Variants in LRBA observed in about 807,000 individuals in gnomAD.
LRBA encodes the protein LPS responsive beige-like anchor protein, also known as lipopolysaccharide-responsive and beige-like anchor protein.
A neutral mutation model predicts 330.0 loss-of-function variants in LRBA; 176 were observed. The ratio of observed to expected loss-of-function variants is 0.53; its 90% CI spans 0.47 to 0.60. LRBA has a LOEUF of 0.60. LRBA is among the 20% of genes least tolerant of loss of function. The pLI, the probability that LRBA is intolerant of heterozygous loss-of-function variation, is 0.00. For missense variants in LRBA, 3,259 were observed against 3,444.8 expected (o/e 0.95, Z 1.35); for synonymous variants, 1,230 against 1,193.0 (o/e 1.03, Z -0.64).
intron 40 of LRBA, among the ~76,000 whole-genome samples, chr4:150,518,058 C>T (rs1762547935): frequency 6.6e-6 from 1 of 152,202 alleles, no homozygotes; most frequent in African/African-American, 2.4e-5. Flanking sequence ...TCAACATACG[C>T]TATTTCTTCT....
intron 42 of LRBA, among the ~76,000 whole-genome samples, chr4:150,486,644 T>C (rs1212258852): frequency 6.6e-6 from 1 of 151,868 alleles, no homozygotes; most frequent in Non-Finnish European, 1.5e-5. Flanking sequence ...TTACCTCATA[T>C]ATTCATCATT....
intron 40 of LRBA, among the ~76,000 whole-genome samples, chr4:150,512,849 T>C (rs1761975160): frequency 6.6e-6 from 1 of 152,160 alleles, no homozygotes; most frequent in African/African-American, 2.4e-5. Flanking sequence ...ATATGCAATG[T>C]AGATTTGCTA....
At chr4:150,269,974 G>T (rs1305415147) in intron 56 of LRBA, among the ~76,000 whole-genome samples, 2 of 152,168 alleles carry the variant, frequency 1.3e-5, no homozygotes, top group African/African-American at 4.8e-5. Flanking sequence ...AATCTTTTGA[G>T]CATCTAAGGA....
chr4:150,584,093 G>C lies in LRBA; in HGVS notation c.6330+3955C>G. Reference sequence around the variant, plus strand: ...AGGGAAATTCTCACCAATCCCAAAAGCCTGGACAAACTATAGGGTGCTGGG... The same window carrying C: ...AGGGAAATTCTCACCAATCCCAAAACCCTGGACAAACTATAGGGTGCTGGG... On this transcript the variant is annotated intron_variant, in intron 40 of 56. Transcript: ENST00000651943. 6.5e-7 allele frequency: 1 copy of C among 1,547,392 alleles called. No individual in the cohort carries two copies. Among genetic ancestry groups the C allele is most frequent in the South Asian group, 1.3e-5 (1 of 79,618 alleles).
intron 55 of LRBA, 22 bp downstream of exon 55, chr4:150,282,428 G>A (rs747276259): frequency 3.1e-6 from 5 of 1,601,692 alleles, no homozygotes; most frequent in Admixed American, 1.7e-5. Context: ...CGTGAATGCT[G>A]AAGAGTCCCC....
intron 51 of LRBA, 23 bp from the exon 52 acceptor site, chr4:150,310,407 CA>C: frequency 6.3e-7 from 1 of 1,596,168 alleles, no homozygotes. Flanking sequence ...GGAGGAAAAA[CA>C]ACTATTAAAT....
At chr4:150,687,496 T>G (rs540064061) in intron 36 of LRBA, among the ~76,000 whole-genome samples, 2 of 152,154 alleles carry the variant, frequency 1.3e-5, no homozygotes, top group South Asian at 4.1e-4. Flanking sequence ...ATAAACTAGA[T>G]AATATAACAT....
At chr4:150,498,591 T>C (rs183861429) in intron 40 of LRBA, among the ~76,000 whole-genome samples, 3 of 152,304 alleles carry the variant, frequency 2.0e-5, no homozygotes, top group African/African-American at 7.2e-5. Flanking sequence ...ATCTTTTTCA[T>C]AGCAGCACAT....
At chr4:150,820,161 T>C (rs1745213758) in intron 30 of LRBA, among the ~76,000 whole-genome samples, 1 of 151,984 alleles carries the variant, frequency 6.6e-6, no homozygotes, top group Non-Finnish European at 1.5e-5. Flanking sequence ...AAGGTACATA[T>C]TAATTCAATT....
chr4:150,473,376 C>T (rs924760208), intron 42 of LRBA, among the ~76,000 whole-genome samples: 1 of 152,136 alleles, frequency 6.6e-6, no homozygotes, highest in Non-Finnish European at 1.5e-5. Flanking sequence ...GTCAGCTTGA[C>T]TGGATTAAGT....
In LRBA at chr4:150,516,215, C is replaced by CTTTTTTTTTTT. The variant is rs1384014823; in HGVS notation, c.6331-25181_6331-25180insAAAAAAAAAAA. ...GTAATTCAGTCTGACATTTTCTATT[C>CTTTTTTTTTTT]TCTTTTTTTTTTTTTTTTTTTTTTT... On this transcript the variant is annotated intron_variant, in intron 40 of 56. Transcript: ENST00000651943. Among the ~76,000 whole-genome samples the CTTTTTTTTTTT allele has an allele frequency of 4.0e-4, 35 of 86,712 alleles. 13 individuals carry two copies. Among genetic ancestry groups the CTTTTTTTTTTT allele is most frequent in the Non-Finnish European group, 6.6e-4 (30 of 45,162 alleles). The allele number at this position is 86,712 out of a possible 152,430, so 56.9% of individuals were successfully genotyped here. A position where few individuals can be genotyped will look rare whatever the true frequency, so the allele number is the denominator to read the frequency against.
At chr4:150,890,803 C>T (rs1238670202) in intron 17 of LRBA, among the ~76,000 whole-genome samples, 4 of 152,160 alleles carry the variant, frequency 2.6e-5, no homozygotes, top group Non-Finnish European at 5.9e-5. Flanking sequence ...CAAAAATTCA[C>T]ACACTAAGAC....
chr4:150,548,278 G>A (rs904876356), intron 40 of LRBA, among the ~76,000 whole-genome samples: 1 of 152,052 alleles, frequency 6.6e-6, no homozygotes, highest in African/African-American at 2.4e-5. Flanking sequence ...TTAGGCTGTA[G>A]TACTTTTGTC....
At chr4:150,290,410 G>T (rs967275812) in intron 53 of LRBA, among the ~76,000 whole-genome samples, 12 of 152,148 alleles carry the variant, frequency 7.9e-5, no homozygotes, top group African/African-American at 2.9e-4. Flanking sequence ...TGCTTTCTGA[G>T]ATAGTAGGAT....
At chr4:150,857,912 T>C (rs1211755778) in intron 22 of LRBA, among the ~76,000 whole-genome samples, 1 of 152,192 alleles carries the variant, frequency 6.6e-6, no homozygotes, top group African/African-American at 2.4e-5. Context: ...TTAAAATTCA[T>C]GTAAGAAGCA....
In LRBA at chr4:150,412,903, C is replaced by T. The variant is rs1160052270; in HGVS notation, c.7194+2535G>A. The stretch of plus-strand genomic sequence containing the variant: ...TTAAAACATTTTTTAAATCGTGATT[C>T]AAAAGACACCATTAAAAAATAAAAA... On this transcript the variant is annotated intron_variant, in intron 47 of 56. Coordinates refer to ENST00000651943, the MANE Select transcript of LRBA (RefSeq NM_001364905.1). Among the ~76,000 whole-genome samples the T allele has an allele frequency of 2.7e-5, 4 of 150,454 alleles. No individual in the cohort carries two copies. The East Asian group carries it at 7.8e-4, about 29-fold the overall frequency.
chr4:150,800,587 T>C (rs1741466413), intron 33 of LRBA, among the ~76,000 whole-genome samples: 1 of 152,128 alleles, frequency 6.6e-6, no homozygotes, highest in Non-Finnish European at 1.5e-5. Flanking sequence ...TCTAAGAACA[T>C]CCAAAGGAAG....
intron 2 of LRBA, among the ~76,000 whole-genome samples, chr4:151,000,566 G>A (rs544613059): frequency 6.6e-5 from 10 of 152,298 alleles, no homozygotes; most frequent in African/African-American, 2.4e-4. Context: ...TTAGTAAAGT[G>A]ACTAAAGGAC....
At chr4:150,915,530 T>C in intron 8 of LRBA, 78 bp downstream of exon 8, 1 of 1,304,422 alleles carries the variant, frequency 7.7e-7, no homozygotes, top group Non-Finnish European at 1.1e-6. Flanking sequence ...TATATTCAAG[T>C]TGTAAAACTT....
Sources: allele counts gnomAD v4.1 joint callset (sites outside exome capture counted in the v4.1 genomes callset), GRCh38; gene constraint gnomAD v4.1.1; transcripts MANE v1.5; gene names NCBI Gene and HGNC (gene_info 2026-07-23, HGNC 2026-07-21).